PRSS16: variants seen among roughly 807,000 people sequenced by gnomAD.
The protein encoded by PRSS16 is serine protease 16, also known as thymus-specific serine protease.
PRSS16 carries 43 observed loss-of-function variants against 61.7 expected under a neutral mutation model. The ratio of observed to expected loss-of-function variants is 0.70; its 90% CI spans 0.55 to 0.90. The LOEUF is 0.90. PRSS16 is among the 40% of genes least tolerant of loss of function. PRSS16 has a pLI of 0.00. For missense variants in PRSS16, 591 were observed against 659.1 expected (o/e 0.90, Z 1.13); for synonymous variants, 273 against 285.2 (o/e 0.96, Z 0.43).
intron 2 of PRSS16, 151 bp from the exon 3 acceptor site, chr6:27,248,696 A>G (rs956218134): frequency 1.1e-5 from 6 of 538,336 alleles, no homozygotes; most frequent in South Asian, 4.8e-5. Flanking sequence ...GAACAGGGGA[A>G]AAGTGAGCAA....
Position 27,252,740 on chromosome 6 carries a change from C to T in PRSS16, c.1009-68C>T, listed in dbSNP as rs5030967. ...GACTTTTGACCTCTGGGGACATAGG[C>T]CTCTGCACCCTGGCTTGCTGGGAAG... On this transcript the variant is annotated intron_variant, in intron 8 of 11. Transcript: ENST00000230582. This position sits in a 1 kb window ranked among gnomAD's most constrained non-coding sequence, Gnocchi z 4.2. 107,070 of 1,582,116 alleles carry T rather than the reference C, an allele frequency of 0.068. 4,031 individuals carry two copies. Among genetic ancestry groups the T allele is most frequent in the Middle Eastern group, 0.11 (534 of 4,752 alleles).
At chr6:27,250,995 C>T (rs1484192904) in intron 5 of PRSS16, 47 bp from the exon 6 acceptor site, 2 of 1,603,820 alleles carry the variant, frequency 1.2e-6, no homozygotes, top group South Asian at 1.1e-5. Flanking sequence ...GAAAGATATG[C>T]GATTCCAACC....
At chr6:27,253,609 A>T (rs1335567273) in intron 9 of PRSS16, 1 of 296,622 alleles carries the variant, frequency 3.4e-6, no homozygotes, top group Non-Finnish European at 6.8e-6. Flanking sequence ...TATACAACAG[A>T]TTTTTTTTTA....
At chr6:27,248,712 TA>T (rs755833646) in intron 2 of PRSS16, 134 bp from the exon 3 acceptor site, 3 of 566,822 alleles carry the variant, frequency 5.3e-6, no homozygotes, top group Non-Finnish European at 2.9e-6. Flanking sequence ...AGCAAGTAAA[TA>T]AACAAGCTCA....
In PRSS16 at chr6:27,247,869, C is replaced by G. The variant is rs2113723614; in HGVS notation, c.71-13C>G. 6.2e-7 allele frequency: 1 copy of G among 1,612,040 alleles called. No individual in the cohort carries two copies. The highest frequency in any genetic ancestry group is 1.1e-5 in the South Asian group (1 of 90,876). ...GGGGGCCAGCCTGACTTCCTTCCCT[C>G]CATGTCCCACAGCCTCCCTTCTTAG... On this transcript the variant is annotated splice_polypyrimidine_tract_variant and intron_variant, in intron 1 of 11. Coordinates refer to ENST00000230582, the MANE Select transcript of PRSS16 (RefSeq NM_005865.4).
At chr6:27,253,908 A>T (rs1218979876) in intron 9 of PRSS16, 2 of 153,116 alleles carry the variant, frequency 1.3e-5, no homozygotes, top group African/African-American at 4.8e-5. Context: ...AACCCTCTTA[A>T]TACATTAGTC....
At position 27,252,024 on chromosome 6, in the gene PRSS16, T is replaced by G. The variant is rs1671204811; in HGVS notation, c.992T>G (p.Leu331Arg). ...NRSHSTPYCGLRRAVQIVLHS... is the reference protein window; with the variant it reads ...NRSHSTPYCGRRRAVQIVLHS... ...AGCCACTCCACGCCCTACTGCGGGC[T>G]TCGTCGGGCGGTGCAGGTGAGCACT... The change falls in exon 8 of 12, where the codon CTT (leucine) becomes CGT (arginine). Residue 331 changes from leucine (L) to arginine (R), a missense_variant. Physicochemically the swap from Leu to Arg is moderately radical, Grantham distance 102. Transcript: ENST00000230582. The surrounding 1 kb of genome is among the most constrained non-coding windows in gnomAD (Gnocchi z 4.2). The G allele has an allele frequency of 1.2e-5, 19 of 1,543,066 alleles. No homozygotes were observed. Among genetic ancestry groups the G allele is most frequent in the Non-Finnish European group, 1.6e-5 (18 of 1,148,374 alleles).
intron 9 of PRSS16, chr6:27,253,201 TC>T: frequency 2.0e-6 from 1 of 511,284 alleles, no homozygotes; most frequent in East Asian, 3.4e-5. Flanking sequence ...TTTCTCTGTG[TC>T]CCCATTCCAG....
At position 27,252,889 on chromosome 6, in the gene PRSS16, C is replaced by A. The variant is rs772033414; in HGVS notation, c.1090C>A (p.Gln364Lys). ...GGCACAGCTGAGGAGCACAGAACCT[C>A]AACTGTCTGGTGTGGGTGACCGGCA... ...TVAQLRSTEP[Q>K]LSGVGDRQWL... Residue 364 changes from glutamine (Q) to lysine (K), a missense_variant, in exon 9 of 12, where the codon CAA becomes AAA. Physicochemically the swap from Gln to Lys is moderately conservative, Grantham distance 53. Coordinates refer to ENST00000230582, the MANE Select transcript of PRSS16 (RefSeq NM_005865.4). This position sits in a 1 kb window ranked among gnomAD's most constrained non-coding sequence, Gnocchi z 4.2. 1.4e-5 allele frequency: 22 copies of A among 1,614,058 alleles called. No homozygotes were observed. Among genetic ancestry groups the A allele is most frequent in the Non-Finnish European group, 1.9e-5 (22 of 1,180,044 alleles).
rs1759892913 is a variant in PRSS16 at position 27,251,367 on chromosome 6, G to A, written c.717+103G>A. 3 of 1,400,086 alleles carry A rather than the reference G, an allele frequency of 2.1e-6. No individual in the cohort carries two copies. The highest frequency in any genetic ancestry group is 4.9e-5 in the Admixed American group (2 of 40,786). The allele number at this position is 1,400,086 out of a possible 1,614,324, so 86.7% of individuals were successfully genotyped here. On this transcript the variant is annotated intron_variant, in intron 7 of 11. Transcript: ENST00000230582. The surrounding 1 kb of genome is among the most constrained non-coding windows in gnomAD (Gnocchi z 5.6). ...AGGGCGAAACCTGCAACGTGGCGGG[G>A]TCTAAGGAAGGTCGGAGCTCGGGGG...
At position 27,251,328 on chromosome 6, in the gene PRSS16, G is replaced by C; in HGVS notation, c.717+64G>C. 5 of 1,528,426 alleles carry C rather than the reference G, an allele frequency of 3.3e-6. No individual in the cohort carries two copies. The highest frequency in any genetic ancestry group is 4.4e-6 in the Non-Finnish European group (5 of 1,138,614). 94.7% of individuals were successfully genotyped at this position (1,528,426 alleles called of 1,614,324 possible). On this transcript the variant is annotated intron_variant, in intron 7 of 11. Coordinates refer to ENST00000230582, the MANE Select transcript of PRSS16 (RefSeq NM_005865.4). The surrounding 1 kb of genome is among the most constrained non-coding windows in gnomAD (Gnocchi z 5.6). ...AAAAGAGGCCTCGGATGCCAGGGAAGAGGAGGCCAGAGAAGGGCGAAACCT... is the reference window on the plus strand; with the variant it reads ...AAAAGAGGCCTCGGATGCCAGGGAACAGGAGGCCAGAGAAGGGCGAAACCT...
Position 27,252,850 on chromosome 6 carries a change from C to G in PRSS16, c.1051C>G (p.Arg351Gly), listed in dbSNP as rs747430500. 6.2e-7 allele frequency: 1 copy of G among 1,614,106 alleles called. No homozygotes were observed. The highest frequency in any genetic ancestry group is 8.5e-7 in the Non-Finnish European group (1 of 1,180,034). The change falls in exon 9 of 12, where the codon CGA becomes GGA. Residue 351 changes from arginine to glycine, a missense_variant. Coordinates refer to ENST00000230582, the MANE Select transcript of PRSS16 (RefSeq NM_005865.4). This position sits in a 1 kb window ranked among gnomAD's most constrained non-coding sequence, Gnocchi z 4.2. The stretch of plus-strand genomic sequence containing the variant: ...GGGCCAGAAGTGTTTAAGCTTTTCC[C>G]GAGCAGAGACAGTGGCACAGCTGAG... ...SLGQKCLSFSRAETVAQLRST... is the reference protein window; with the variant it reads ...SLGQKCLSFSGAETVAQLRST...
Position 27,252,407 on chromosome 6 carries a change from T to C in PRSS16, c.1008+367T>C. On this transcript the variant is annotated intron_variant, in intron 8 of 11. Transcript: ENST00000230582. The surrounding 1 kb of genome is among the most constrained non-coding windows in gnomAD (Gnocchi z 4.2). ...TGGGGATAGGGTTCTCCTAGGTACC[T>C]GGGACTGCAGCCTCTAAATCCACAA... 2.7e-6 allele frequency: 1 copy of C among 373,942 alleles called. No homozygotes were observed. The highest frequency in any genetic ancestry group is 4.8e-6 in the Non-Finnish European group (1 of 208,584). The allele number at this position is 373,942 out of a possible 1,614,324, so 23.2% of individuals were successfully genotyped here. A position where few individuals can be genotyped will look rare whatever the true frequency, so the allele number is the denominator to read the frequency against.
At chr6:27,249,069 TCCCCA>T in intron 3 of PRSS16, 26 bp from the exon 4 acceptor site, 1 of 1,005,920 alleles carries the variant, frequency 9.9e-7, no homozygotes, top group Non-Finnish European at 1.5e-6. Context: ...GCATCTCACC[TCCCCA>T]CCCCCCACCC....
rs926729491 is a variant in PRSS16 at position 27,251,095 on chromosome 6, G to A, written c.645G>A (p.Val215=). The A allele has an allele frequency of 1.2e-6, 2 of 1,613,976 alleles. No individual in the cohort carries two copies. Among genetic ancestry groups the A allele is most frequent in the African/African-American group, 1.3e-5 (1 of 74,944 alleles). The change falls in exon 6 of 12, where the codon GTG becomes GTA. Residue 215 remains valine (V), a synonymous_variant. Transcript: ENST00000230582. This position sits in a 1 kb window ranked among gnomAD's most constrained non-coding sequence, Gnocchi z 5.6. ...CCTCCTCCGCCCCGGTGCGGGCCGTGCTGGATTTCTCCGAGTATAATGACG... is the reference window on the plus strand; with the variant it reads ...CCTCCTCCGCCCCGGTGCGGGCCGTACTGGATTTCTCCGAGTATAATGACG... ...SVASSAPVRA[V]LDFSEYNDVV... is the part of the protein sequence containing the mutation.
In PRSS16 at chr6:27,252,497, A is replaced by G. The variant is rs1759937372; in HGVS notation, c.1009-311A>G. On this transcript the variant is annotated intron_variant, in intron 8 of 11. Coordinates refer to ENST00000230582, the MANE Select transcript of PRSS16 (RefSeq NM_005865.4). This position sits in a 1 kb window ranked among gnomAD's most constrained non-coding sequence, Gnocchi z 4.2. The stretch of plus-strand genomic sequence containing the variant: ...AAGTGCTGTATAAAGTGCTTCACAT[A>G]TATTATTTCATTAAGTTCTCAAGAG... 6.6e-6 allele frequency among the ~76,000 whole-genome samples: 1 copy of G among 152,172 alleles called. No individual in the cohort carries two copies. Among genetic ancestry groups the G allele is most frequent in the Non-Finnish European group, 1.5e-5 (1 of 68,036 alleles).
chr6:27,255,022 A>G lies in PRSS16; in HGVS notation c.1367A>G (p.Gln456Arg). Residue 456 changes from glutamine to arginine, a missense_variant, in exon 11 of 12, where the codon CAG (glutamine) becomes CGG (arginine). Physicochemically the swap from Gln to Arg is conservative, Grantham distance 43. Transcript: ENST00000230582. This position sits in a 1 kb window ranked among gnomAD's most constrained non-coding sequence, Gnocchi z 4.4. ...CCCTGGCATGTGCTAAGTGTAACAC[A>G]GGCTTTAGGATCCTCAGAATCAACT... ...TDPWHVLSVT[Q>R]ALGSSESTLL... 3 of 1,613,676 alleles carry G rather than the reference A, an allele frequency of 1.9e-6. No homozygotes were observed. The highest frequency in any genetic ancestry group is 2.5e-6 in the Non-Finnish European group (3 of 1,179,620).
chr6:27,251,399 C>T lies in PRSS16; in HGVS notation c.717+135C>T, dbSNP rs1759893612. Reference sequence around the variant, plus strand: ...GAAGGTCGGAGCTCGGGGGAATACGCAGGTTTTGGAAGAAGGCGGGAGCTG... The same window carrying T: ...GAAGGTCGGAGCTCGGGGGAATACGTAGGTTTTGGAAGAAGGCGGGAGCTG... On this transcript the variant is annotated intron_variant, in intron 7 of 11. Coordinates refer to ENST00000230582, the MANE Select transcript of PRSS16 (RefSeq NM_005865.4). This position sits in a 1 kb window ranked among gnomAD's most constrained non-coding sequence, Gnocchi z 5.6. 1 of 1,171,556 alleles carries T rather than the reference C, an allele frequency of 8.5e-7. No homozygotes were observed. Among genetic ancestry groups the T allele is most frequent in the Non-Finnish European group, 1.2e-6 (1 of 856,816 alleles). The allele number at this position is 1,171,556 out of a possible 1,614,324, so 72.6% of individuals were successfully genotyped here. A position where few individuals can be genotyped will look rare whatever the true frequency, so the allele number is the denominator to read the frequency against.
Position 27,255,499 on chromosome 6 carries a change from CAG to C in PRSS16, c.*189_*190del. ...ATTCCCAACTTAAAGTGCTTTATTG[CAG>C]AGAGTTATGGAAATATAAGTGGATG... On this transcript the variant is annotated 3_prime_UTR_variant, in exon 12 of 12. Transcript: ENST00000230582. The surrounding 1 kb of genome is among the most constrained non-coding windows in gnomAD (Gnocchi z 4.4). 1 of 597,432 alleles carries C rather than the reference CAG, an allele frequency of 1.7e-6. No homozygotes were observed. The allele number at this position is 597,432 out of a possible 1,614,324, so 37.0% of individuals were successfully genotyped here.
Sources: gnomAD v4.1 joint callset for allele counts (sites outside exome capture counted in the v4.1 genomes callset) on GRCh38, gnomAD v4.1.1 for gene constraint, Gnocchi (gnomAD v3.1) non-coding constraint, MANE v1.5 for transcripts, NCBI Gene and HGNC (gene_info 2026-07-23, HGNC 2026-07-21) for gene names.